The following ASXL1 variants were observed in gnomAD, a reference collection of about 807,000 sequenced individuals.
ASXL1 encodes the protein polycomb group protein ASXL1.
Under a neutral mutation model 89.1 loss-of-function variants are expected in ASXL1, and 65 were observed. The observed-to-expected ratio is 0.73, with a 90% CI of 0.60 to 0.90. The LOEUF (loss-of-function observed/expected upper bound fraction) is 0.90. ASXL1 is among the 40% of genes least tolerant of loss of function. ASXL1 has a pLI of 0.00. For synonymous variants in ASXL1, 739 were observed against 746.9 expected (o/e 0.99, Z 0.17); for missense variants, 1,786 against 1,942.9 (o/e 0.92, Z 1.52).
At position 32,436,751 on chromosome 20, in the gene ASXL1, G is replaced by T; in HGVS notation, c.4039G>T (p.Gly1347Cys). The T allele has an allele frequency of 6.2e-7, 1 of 1,614,156 alleles. No homozygotes were observed. The highest frequency in any genetic ancestry group is 1.1e-5 in the South Asian group (1 of 91,088). ...GGGACCAAGCACAAACTCCATGTCTGGTGGGGTACAGACTCCAAGGGAAGA... is the reference window on the plus strand; with the variant it reads ...GGGACCAAGCACAAACTCCATGTCTTGTGGGGTACAGACTCCAAGGGAAGA... ...KLGPSTNSMS[G>C]GVQTPREDWA... Residue 1347 changes from glycine to cysteine, a missense_variant, in exon 13 of 13, where the codon GGT becomes TGT. Transcript: ENST00000375687.
chr20:32,429,711 T>C lies in ASXL1; in HGVS notation c.566-190T>C. ...GTGCTATACAAATAAAGATGGCAGT[T>C]TGGCACCTGTAAGGTGATATTTTAA... On this transcript the variant is annotated intron_variant, in intron 7 of 12. Coordinates refer to ENST00000375687, the MANE Select transcript of ASXL1 (RefSeq NM_015338.6). This position sits in a 1 kb window ranked among gnomAD's most constrained non-coding sequence, Gnocchi z 4.9. 1 of 797,296 alleles carries C rather than the reference T, an allele frequency of 1.3e-6. No homozygotes were observed. The highest frequency in any genetic ancestry group is 1.7e-5 in the African/African-American group (1 of 57,756). The allele number at this position is 797,296 out of a possible 1,614,324, so 49.4% of individuals were successfully genotyped here.
In ASXL1 at chr20:32,438,043, T is replaced by G; in HGVS notation, c.*705T>G. 1 of 233,998 alleles carries G rather than the reference T, an allele frequency of 4.3e-6. No homozygotes were observed. Among genetic ancestry groups the G allele is most frequent in the Non-Finnish European group, 8.4e-6 (1 of 118,598 alleles). The allele number at this position is 233,998 out of a possible 1,614,324, so 14.5% of individuals were successfully genotyped here. ...TTGTCTTTCCTATGAAAATGCCATCTGTAGACCTTGTGAGTCAGCCGTCCA... is the reference window on the plus strand; with the variant it reads ...TTGTCTTTCCTATGAAAATGCCATCGGTAGACCTTGTGAGTCAGCCGTCCA... On this transcript the variant is annotated 3_prime_UTR_variant, in exon 13 of 13. Coordinates refer to ENST00000375687, the MANE Select transcript of ASXL1 (RefSeq NM_015338.6).
chr20:32,427,736 T>C (rs2011368927), intron 4 of ASXL1: 1 of 285,616 alleles, frequency 3.5e-6, no homozygotes, highest in African/African-American at 2.2e-5. Flanking sequence ...GGTGCCCCTC[T>C]TCTGGGCTGC....
chr20:32,394,567 C>A (rs1320976374), intron 4 of ASXL1, among the ~76,000 whole-genome samples: 1 of 152,212 alleles, frequency 6.6e-6, no homozygotes, highest in African/African-American at 2.4e-5. Context: ...TATTATACCA[C>A]TTCACCTATA....
rs866815887 is a variant in ASXL1, at chr20:32,389,102, A to C, written c.252+19979A>C. Among the ~76,000 whole-genome samples, 70 of 151,908 alleles carry C rather than the reference A, an allele frequency of 4.6e-4. No homozygotes were observed. In the Middle Eastern group the frequency reaches 0.02, roughly 44 times the overall value. ...CACTGCTTTAGAAACCTCTATTCAG[A>C]TTTTTCATATTAATGATTCTTTTGC... On this transcript the variant is annotated intron_variant, in intron 4 of 12. Coordinates refer to ENST00000375687, the MANE Select transcript of ASXL1 (RefSeq NM_015338.6).
At chr20:32,420,127 A>G (rs2049216283) in intron 4 of ASXL1, among the ~76,000 whole-genome samples, 1 of 151,894 alleles carries the variant, frequency 6.6e-6, no homozygotes, top group African/African-American at 2.4e-5. Context: ...TTTAATGTAA[A>G]TAATTATGCT....
rs542122822 is a variant in ASXL1 at position 32,363,916 on chromosome 20, C to A, written c.58-2468C>A. Among the ~76,000 whole-genome samples, 3 of 152,286 alleles carry A rather than the reference C, an allele frequency of 2.0e-5. No homozygotes were observed. The East Asian group carries it at 5.8e-4, about 29-fold the overall frequency. On this transcript the variant is annotated intron_variant, in intron 1 of 12. Transcript: ENST00000375687. ...GTGTCACTGTGGATGGGTAGAGAGGCAGAGACCAGATTGTGAGGGTTCCAT... is the reference window on the plus strand; with the variant it reads ...GTGTCACTGTGGATGGGTAGAGAGGAAGAGACCAGATTGTGAGGGTTCCAT...
chr20:32,358,874 G>A (rs746263656), intron 1 of ASXL1, 42 bp downstream of exon 1: 16 of 1,452,522 alleles, frequency 1.1e-5, no homozygotes, highest in Admixed American at 7.8e-5. Flanking sequence ...GGCCCGGGGT[G>A]GGGGGGGCTC....
At position 32,434,790 on chromosome 20, in the gene ASXL1, G is replaced by A. The variant is rs2011695724; in HGVS notation, c.2078G>A (p.Arg693Gln). 2 of 1,613,814 alleles carry A rather than the reference G, an allele frequency of 1.2e-6. No homozygotes were observed. The highest frequency in any genetic ancestry group is 1.7e-6 in the Non-Finnish European group (2 of 1,180,030). Residue 693 changes from arginine to glutamine, a missense_variant, in exon 13 of 13, where the codon CGA becomes CAA. Around this residue, in one of 3 missense-constraint regions of ASXL1, gnomAD observed 1,418 missense variants for 1,427.8 expected, o/e 0.99. Coordinates refer to ENST00000375687, the MANE Select transcript of ASXL1 (RefSeq NM_015338.6). ...GGAAAGTGTACGTCAGATCTACAGC[G>A]AACACAACTACTGCCGCCTTATCCT... ...TPGKCTSDLQ[R>Q]TQLLPPYPLN...
intron 1 of ASXL1, among the ~76,000 whole-genome samples, chr20:32,364,457 A>G (rs1036672726): frequency 3.3e-5 from 5 of 151,994 alleles, no homozygotes; most frequent in South Asian, 4.1e-4. Context: ...GGCTCAAGCA[A>G]TCTGCCCACC....
intron 4 of ASXL1, among the ~76,000 whole-genome samples, chr20:32,394,704 A>G (rs905775081): frequency 6.6e-6 from 1 of 151,964 alleles, no homozygotes; most frequent in African/African-American, 2.4e-5. Context: ...TAAGTAGTCA[A>G]TTTTTTTAAA....
rs41289854 is a variant in ASXL1, at chr20:32,439,151, C to T, written c.*1813C>T. 511 of 233,514 alleles carry T rather than the reference C, an allele frequency of 2.2e-3. 3 individuals are homozygous for T. The highest frequency in any genetic ancestry group is 3.1e-3 in the Non-Finnish European group (365 of 117,948). The allele number at this position is 233,514 out of a possible 1,614,324, so 14.5% of individuals were successfully genotyped here. On this transcript the variant is annotated 3_prime_UTR_variant, in exon 13 of 13. Coordinates refer to ENST00000375687, the MANE Select transcript of ASXL1 (RefSeq NM_015338.6). ...ACTTAAGCGTCTGTTTACCAAAGAC[C>T]GGGAACAGGGGCCCAAACATGTCCA...
chr20:32,380,812 T>G (rs1388198731), intron 4 of ASXL1, among the ~76,000 whole-genome samples: 3 of 152,334 alleles, frequency 2.0e-5, no homozygotes, highest in East Asian at 1.9e-4. Flanking sequence ...AAAGAATGAC[T>G]GGAGTAAGCT....
chr20:32,380,416 A>G (rs998340878), intron 4 of ASXL1, among the ~76,000 whole-genome samples: 14 of 152,218 alleles, frequency 9.2e-5, no homozygotes, highest in African/African-American at 2.9e-4. Context: ...AATAATTACA[A>G]TTAAAATTTT....
chr20:32,385,226 A>C (rs1302019600), intron 4 of ASXL1, among the ~76,000 whole-genome samples: 1 of 152,216 alleles, frequency 6.6e-6, no homozygotes, highest in African/African-American at 2.4e-5. Context: ...ATAATGAGGA[A>C]ATTGCCTGTG....
At chr20:32,384,583 C>T (rs567697793) in intron 4 of ASXL1, among the ~76,000 whole-genome samples, 2 of 152,308 alleles carry the variant, frequency 1.3e-5, no homozygotes, top group South Asian at 4.1e-4. Context: ...CTCGATCTGT[C>T]TTCAAAAGAA....
rs146867005 is a variant in ASXL1 at position 32,389,334 on chromosome 20, C to T, written c.252+20211C>T. The stretch of plus-strand genomic sequence containing the variant: ...GCTGTGTATCATCTTATGCTATCAA[C>T]GTGCCATATGATTTACCTGTTCTTA... On this transcript the variant is annotated intron_variant, in intron 4 of 12. Transcript: ENST00000375687. 2.5e-4 allele frequency among the ~76,000 whole-genome samples: 38 copies of T among 152,198 alleles called. 1 individual carries two copies. Among genetic ancestry groups the T allele is most frequent in the Admixed American group, 1.3e-4 (2 of 15,274 alleles).
Position 32,433,932 on chromosome 20 carries a change from G to T in ASXL1, c.1719+15G>T. 1.9e-6 allele frequency: 3 copies of T among 1,611,864 alleles called. No individual in the cohort carries two copies. The South Asian group carries it at 3.3e-5, about 18-fold the overall frequency. ...CGCCCATCCGGGTAGGAGACTGTTT[G>T]ATTCCTGGCTGCCCTGGAGCCAGGT... On this transcript the variant is annotated intron_variant, in intron 12 of 12. Coordinates refer to ENST00000375687, the MANE Select transcript of ASXL1 (RefSeq NM_015338.6).
chr20:32,438,382 A>G lies in ASXL1; in HGVS notation c.*1044A>G, dbSNP rs765042920. The G allele has an allele frequency of 4.3e-6, 1 of 233,530 alleles. No homozygotes were observed. The highest frequency in any genetic ancestry group is 2.2e-5 in the African/African-American group (1 of 45,340). 14.5% of individuals were successfully genotyped at this position (233,530 alleles called of 1,614,324 possible). The stretch of plus-strand genomic sequence containing the variant: ...CTCTTCCTAATTTTACATCTTCAGC[A>G]TCATTGCATTAAAGTGGTGTAATCT... On this transcript the variant is annotated 3_prime_UTR_variant, in exon 13 of 13. Coordinates refer to ENST00000375687, the MANE Select transcript of ASXL1 (RefSeq NM_015338.6).
Sources: gnomAD v4.1 joint callset for allele counts (sites outside exome capture counted in the v4.1 genomes callset) on GRCh38, gnomAD v4.1.1 for gene constraint, gnomAD v4.1.1 regional missense constraint, Gnocchi (gnomAD v3.1) non-coding constraint, MANE v1.5 for transcripts, NCBI Gene and HGNC (gene_info 2026-07-23, HGNC 2026-07-21) for gene names.